The following STK39 variants were observed in gnomAD, a reference collection of about 807,000 sequenced individuals.
STK39 encodes serine/threonine kinase 39.
Under a neutral mutation model 77.8 loss-of-function variants are expected in STK39, and 20 were observed. That is an observed-to-expected ratio of 0.26 (90% confidence interval 0.18 to 0.37). The LOEUF is 0.37. Ranked by LOEUF, STK39 falls within the 10% of genes least tolerant of loss-of-function variation. The pLI, the probability that STK39 is intolerant of heterozygous loss-of-function variation, is 1.00. For synonymous variants in STK39, 246 were observed against 234.1 expected, an observed-to-expected ratio of 1.05 and a Z score of -0.47; for missense variants, 479 against 656.5, an observed-to-expected ratio of 0.73 and a Z score of 2.95.
intron 3 of STK39, among the ~76,000 whole-genome samples, chr2:168,166,104 A>G (rs1472951430): frequency 6.6e-6 from 1 of 152,234 alleles, no homozygotes; most frequent in African/African-American, 2.4e-5. Context: ...CAGATGTTAA[A>G]GTCACAAATT....
chr2:168,142,289 T>C (rs1036383057), intron 5 of STK39, among the ~76,000 whole-genome samples: 6 of 152,242 alleles, frequency 3.9e-5, no homozygotes, highest in African/African-American at 1.4e-4. Flanking sequence ...CTGGAAAAAA[T>C]ATATATGATA....
rs146849105 is a variant in STK39 at position 168,019,020 on chromosome 2, G to A, written c.1377-1925C>T. Among the ~76,000 whole-genome samples, 145 of 152,232 alleles carry A rather than the reference G, an allele frequency of 9.5e-4. 1 individual carries two copies. Among genetic ancestry groups the A allele is most frequent in the African/African-American group, 3.3e-3 (137 of 41,534 alleles). On this transcript the variant is annotated intron_variant, in intron 14 of 17. Transcript: ENST00000355999. The stretch of plus-strand genomic sequence containing the variant: ...CAAGACATGTCCAAGCCCACACCGA[G>A]ATATGAGAGCCTTGGACCTTGAACT...
intron 16 of STK39, among the ~76,000 whole-genome samples, chr2:167,979,692 A>C (rs1683366807): frequency 6.6e-6 from 1 of 152,268 alleles, no homozygotes; most frequent in South Asian, 2.1e-4. Flanking sequence ...GCATAGCTCC[A>C]GCAGCATCAT....
chr2:168,103,844 T>C (rs896097965), intron 10 of STK39, among the ~76,000 whole-genome samples: 1 of 152,250 alleles, frequency 6.6e-6, no homozygotes, highest in East Asian at 1.9e-4. Context: ...ATCCACACTT[T>C]AAAACAGTTC....
chr2:168,024,543 CCT>C (rs1317112298), intron 14 of STK39, among the ~76,000 whole-genome samples: 1 of 152,112 alleles, frequency 6.6e-6, no homozygotes, highest in Non-Finnish European at 1.5e-5. Context: ...TCTCTCTCAC[CCT>C]CTCTTTGCAC....
Position 168,129,603 on chromosome 2 carries a change from T to C in STK39, c.1027A>G (p.Arg343Gly). 1.2e-6 allele frequency: 2 copies of C among 1,614,064 alleles called. No homozygotes were observed. The highest frequency in any genetic ancestry group is 1.7e-6 in the Non-Finnish European group (2 of 1,179,942). The change falls in exon 10 of 18, where the codon AGA becomes GGA. Residue 343 changes from arginine (R) to glycine (G), a missense_variant. This residue lies in a region of STK39 where 244 missense variants were observed against 296.8 expected (regional missense o/e 0.82). Coordinates refer to ENST00000355999, the MANE Select transcript of STK39 (RefSeq NM_013233.3). The part of the protein sequence containing the change: ...KCKFFQKAKN[R>G]EYLIEKLLTR... The stretch of plus-strand genomic sequence containing the variant: ...AGCAGCTTCTCAATCAGGTACTCTC[T>C]GTTCTGCAAAACAAATATTCCCAAC...
At chr2:168,071,990 G>A (rs116051629) in intron 12 of STK39, among the ~76,000 whole-genome samples, 3,123 of 152,170 alleles carry the variant, frequency 0.021, 111 homozygotes, top group African/African-American at 0.072. Context: ...TAAGGGAATG[G>A]TATTTGTAAT....
intron 14 of STK39, among the ~76,000 whole-genome samples, chr2:168,056,883 A>G (rs1337780918): frequency 6.6e-6 from 1 of 152,196 alleles, no homozygotes; most frequent in Non-Finnish European, 1.5e-5. Context: ...GTTCAGGCCC[A>G]GAGATGATGC....
intron 14 of STK39, among the ~76,000 whole-genome samples, chr2:168,023,217 G>A (rs983894750): frequency 6.6e-6 from 1 of 150,864 alleles, no homozygotes; most frequent in Non-Finnish European, 1.5e-5. Flanking sequence ...TGCCCAGCCT[G>A]ACTTTAAAAA....
chr2:168,203,700 C>T (rs1469761533), intron 1 of STK39, among the ~76,000 whole-genome samples: 1 of 152,232 alleles, frequency 6.6e-6, no homozygotes, highest in African/African-American at 2.4e-5. Flanking sequence ...TCAAGCAATT[C>T]TCCTGTCTCA....
chr2:168,165,561 G>A (rs1688674359), intron 3 of STK39, among the ~76,000 whole-genome samples: 1 of 152,022 alleles, frequency 6.6e-6, no homozygotes, highest in Admixed American at 6.6e-5. Context: ...TCCAGCTCTG[G>A]CAGGCTTCCT....
In STK39 at chr2:167,997,547, C is replaced by T. The variant is rs138743139; in HGVS notation, c.1498+15087G>A. 1.3e-3 allele frequency among the ~76,000 whole-genome samples: 191 copies of T among 152,256 alleles called. 1 individual carries two copies. The highest frequency in any genetic ancestry group is 4.0e-3 in the African/African-American group (168 of 41,548). ...GAAATTGAAGGCCTAGAGAGATGAA[C>T]TAACTTCCCCAAGTCACATATCTTC... is the stretch of plus-strand genomic sequence containing the variant. On this transcript the variant is annotated intron_variant, in intron 16 of 17. Transcript: ENST00000355999.
At chr2:168,148,839 G>A (rs1357976603) in intron 5 of STK39, among the ~76,000 whole-genome samples, 1 of 152,158 alleles carries the variant, frequency 6.6e-6, no homozygotes, top group African/African-American at 2.4e-5. Flanking sequence ...AAGACACAGT[G>A]CATACAAAGG....
chr2:167,956,033 T>C (rs951160151), intron 17 of STK39, among the ~76,000 whole-genome samples: 5 of 152,202 alleles, frequency 3.3e-5, no homozygotes, highest in African/African-American at 1.2e-4. Flanking sequence ...ATTTCTTCTA[T>C]GAAACTTGCC....
chr2:168,009,967 C>T (rs1329732977), intron 16 of STK39, among the ~76,000 whole-genome samples: 1 of 152,188 alleles, frequency 6.6e-6, no homozygotes. Context: ...CTAACTTTAG[C>T]TGAGCCTGGG....
intron 7 of STK39, among the ~76,000 whole-genome samples, chr2:168,138,570 G>C (rs1260836177): frequency 6.6e-6 from 1 of 152,152 alleles, no homozygotes; most frequent in African/African-American, 2.4e-5. Flanking sequence ...AGAAGAGAGA[G>C]GGCCAGCGAG....
intron 3 of STK39, among the ~76,000 whole-genome samples, chr2:168,167,021 C>T (rs187421928): frequency 2.6e-5 from 4 of 152,066 alleles, no homozygotes; most frequent in Non-Finnish European, 5.9e-5. Context: ...GGCATGAGAG[C>T]ACATAATACA....
At chr2:168,081,871 C>T (rs1384940040) in intron 10 of STK39, among the ~76,000 whole-genome samples, 1 of 152,196 alleles carries the variant, frequency 6.6e-6, no homozygotes, top group African/African-American at 2.4e-5. Context: ...TCTTTGCCTA[C>T]TGACATCCAT....
chr2:168,117,156 C>T (rs1372473049), intron 10 of STK39, among the ~76,000 whole-genome samples: 1 of 152,214 alleles, frequency 6.6e-6, no homozygotes, highest in Non-Finnish European at 1.5e-5. Flanking sequence ...TAATGGCTCA[C>T]TCAAGACTCT....
Sources: gnomAD v4.1 joint callset for allele counts (sites outside exome capture counted in the v4.1 genomes callset) on GRCh38, gnomAD v4.1.1 for gene constraint, gnomAD v4.1.1 regional missense constraint, MANE v1.5 for transcripts, NCBI Gene and HGNC (gene_info 2026-07-23, HGNC 2026-07-21) for gene names.